The following ZNF611 variants were observed in gnomAD, a reference collection of about 807,000 sequenced individuals.
ZNF611 encodes zinc finger protein 611.
ZNF611 carries 6 observed loss-of-function variants against 8.9 expected under a neutral mutation model. The ratio of observed to expected loss-of-function variants is 0.68; its 90% CI spans 0.37 to 1.34. ZNF611 has a LOEUF of 1.34. Ranked by LOEUF, ZNF611 falls within the 40% of genes most tolerant of loss-of-function variation. The pLI is 0.02. For missense variants in ZNF611, 874 were observed against 841.3 expected, an observed-to-expected ratio of 1.04 and a Z score of -0.48; for synonymous variants, 262 against 279.7, an observed-to-expected ratio of 0.94 and a Z score of 0.63.
chr19:52,734,067 C>T (rs551866218), intron 1 of ZNF611, among the ~76,000 whole-genome samples: 1 of 151,640 alleles, frequency 6.6e-6, no homozygotes, highest in African/African-American at 2.4e-5. Flanking sequence ...CTCTCCCTCA[C>T]TCTGATGAGT....
intron 5 of ZNF611, 151 bp from the exon 6 acceptor site, chr19:52,707,015 T>C: frequency 2.3e-6 from 3 of 1,321,244 alleles, no homozygotes; most frequent in Non-Finnish European, 3.1e-6. Flanking sequence ...CAATATTCTT[T>C]AGTAAATAAA....
chr19:52,705,461 G>A lies in ZNF611; in HGVS notation c.1594C>T (p.His532Tyr), dbSNP rs772569213. 3 of 1,614,174 alleles carry A rather than the reference G, an allele frequency of 1.9e-6. No homozygotes were observed. The South Asian group carries it at 3.3e-5, about 18-fold the overall frequency. ...KSSLETHKIG[H>Y]TGEKPYKCKV... ...CATTTGTATGGTTTCTCTCCAGTAT[G>A]ACCTATCTTATGTGTCTCAAGGCTT... Residue 532 changes from histidine (H) to tyrosine (Y), a missense_variant, in exon 6 of 6, where the codon CAT becomes TAT. By Grantham distance (83) the His-to-Tyr change is moderately conservative. Coordinates refer to ENST00000652185, the MANE Select transcript of ZNF611 (RefSeq NM_001161499.2).
chr19:52,726,900 C>T (rs541535753), intron 3 of ZNF611, among the ~76,000 whole-genome samples: 24 of 152,080 alleles, frequency 1.6e-4, no homozygotes, highest in Non-Finnish European at 3.2e-4. Flanking sequence ...GAGTATTTCT[C>T]TGTGGCCCGT....
intron 5 of ZNF611, among the ~76,000 whole-genome samples, chr19:52,709,655 C>A (rs1014186056): frequency 2.6e-5 from 4 of 152,034 alleles, no homozygotes; most frequent in African/African-American, 7.2e-5. Context: ...ACAACCACCG[C>A]CTCGCAGGTT....
At chr19:52,733,903 CT>C (rs2062440722) in intron 1 of ZNF611, among the ~76,000 whole-genome samples, 1 of 151,934 alleles carries the variant, frequency 6.6e-6, no homozygotes, top group Non-Finnish European at 1.5e-5. Context: ...CTCCTCTGCT[CT>C]CCCTGTTAAA....
chr19:52,709,043 T>C lies in ZNF611; in HGVS notation c.191-2179A>G, dbSNP rs2062263101. Among the ~76,000 whole-genome samples the C allele has an allele frequency of 4.6e-5, 7 of 152,240 alleles. No individual in the cohort carries two copies. In the South Asian group the frequency reaches 1.4e-3, roughly 32 times the overall value. Reference sequence around the variant, plus strand: ...TATTAACTGAGATCAGAGAAAACATTGTATAAAACAAATTGCACAATAAGA... The same window carrying C: ...TATTAACTGAGATCAGAGAAAACATCGTATAAAACAAATTGCACAATAAGA... On this transcript the variant is annotated intron_variant, in intron 5 of 5. Transcript: ENST00000652185.
intron 1 of ZNF611, among the ~76,000 whole-genome samples, chr19:52,732,451 A>T (rs71358901): frequency 0.015 from 704 of 45,866 alleles, 87 homozygotes; most frequent in African/African-American, 0.024. Context: ...TGAGTTATTC[A>T]GAATAACTCA....
intron 3 of ZNF611, 84 bp from the exon 4 acceptor site, chr19:52,715,997 C>T: frequency 3.3e-6 from 5 of 1,515,542 alleles, no homozygotes; most frequent in South Asian, 1.2e-5. Context: ...GGGGAGACGT[C>T]ACCCTGTAGA....
At chr19:52,731,133 GCTCACTGCAACCTCTGC>G (rs1479272399) in intron 1 of ZNF611, among the ~76,000 whole-genome samples, 1 of 151,844 alleles carries the variant, frequency 6.6e-6, no homozygotes, top group Non-Finnish European at 1.5e-5. Context: ...TGCGATCGTG[GCTCACTGCAACCTCTGC>G]CTCCCAGCTG....
At chr19:52,715,990 G>C (rs1353241277) in intron 3 of ZNF611, 77 bp from the exon 4 acceptor site, 3 of 1,543,346 alleles carry the variant, frequency 1.9e-6, no homozygotes, top group African/African-American at 1.4e-5. Flanking sequence ...ACGAACGGGG[G>C]AGACGTCACC....
At chr19:52,717,198 C>T (rs1434435492) in intron 3 of ZNF611, among the ~76,000 whole-genome samples, 1 of 152,126 alleles carries the variant, frequency 6.6e-6, no homozygotes, top group Middle Eastern at 3.2e-3. Context: ...CTCATGTCTC[C>T]ATAAAATGTA....
rs778558639 is a variant in ZNF611 at position 52,706,163 on chromosome 19, G to A, written c.892C>T (p.Gln298Ter). ...CGATGGCAGGTAAGGGATGACTCCT[G>A]ACTGAAGGTCTTGCCACACTCTTTA... Reference protein sequence around the residue: ...KCKECGKTFSQESSLTCHRRL... With the variant: ...KCKECGKTFS Residue 298 changes from glutamine (Q) to a stop codon, truncating the protein, a stop_gained, in exon 6 of 6, where the codon CAG (glutamine) becomes TAG (stop). Transcript: ENST00000652185. LOFTEE classifies it low-confidence loss of function (END_TRUNC). 1 of 1,614,040 alleles carries A rather than the reference G, an allele frequency of 6.2e-7. No individual in the cohort carries two copies. Among genetic ancestry groups the A allele is most frequent in the Middle Eastern group, 1.6e-4 (1 of 6,062 alleles).
At chr19:52,725,813 T>TGGCGGGGCCTGGGTGGGACAGA (rs1360677260) in intron 3 of ZNF611, among the ~76,000 whole-genome samples, 3 of 151,904 alleles carry the variant, frequency 2.0e-5, no homozygotes, top group Non-Finnish European at 2.9e-5. Context: ...CCGAACATGG[T>TGGCGGGGCCTGGGTGGGACAGA]GGCGGGGCCT....
chr19:52,734,190 T>C (rs868304788), intron 1 of ZNF611, among the ~76,000 whole-genome samples: 37,669 of 143,072 alleles, frequency 0.26, 4,955 homozygotes, highest in Middle Eastern at 0.29. Context: ...TTCTTAGGTT[T>C]TTTTTTTTTT....
intron 3 of ZNF611, among the ~76,000 whole-genome samples, chr19:52,720,190 A>G (rs1265741194): frequency 6.6e-6 from 1 of 152,358 alleles, no homozygotes; most frequent in Non-Finnish European, 1.5e-5. Context: ...ACACAGTAAC[A>G]ATCTGATCTC....
chr19:52,705,650 G>C lies in ZNF611; in HGVS notation c.1405C>G (p.Leu469Val). The C allele has an allele frequency of 6.2e-7, 1 of 1,613,786 alleles. No homozygotes were observed. The highest frequency in any genetic ancestry group is 8.5e-7 in the Non-Finnish European group (1 of 1,179,836). ...CAGTCAATTCTAGTATGTTTTGCCA[G>C]TTGTGAACTCCACACAAAAGCCTTG... ...CDKAFVWSSQ[L>V]AKHTRIDCGE... Residue 469 changes from leucine to valine, a missense_variant, in exon 6 of 6, where the codon CTG becomes GTG. Coordinates refer to ENST00000652185, the MANE Select transcript of ZNF611 (RefSeq NM_001161499.2).
chr19:52,706,718 T>C lies in ZNF611; in HGVS notation c.337A>G (p.Ile113Val). Reference sequence around the variant, plus strand: ...TCATCTTCTTGACACTGAAACTCAATGTCATGAATTTCTTTCTCAATTTCC... The same window carrying C: ...TCATCTTCTTGACACTGAAACTCAACGTCATGAATTTCTTTCTCAATTTCC... ...FQEIEKEIHD[I>V]EFQCQEDERN... Residue 113 changes from isoleucine (I) to valine (V), a missense_variant, in exon 6 of 6, where the codon ATT (isoleucine) becomes GTT (valine). Transcript: ENST00000652185. 1 of 1,614,150 alleles carries C rather than the reference T, an allele frequency of 6.2e-7. No individual in the cohort carries two copies. Among genetic ancestry groups the C allele is most frequent in the Non-Finnish European group, 8.5e-7 (1 of 1,180,018 alleles).
chr19:52,713,822 C>T lies in ZNF611; in HGVS notation c.190+193G>A, dbSNP rs192957676. Among the ~76,000 whole-genome samples the T allele has an allele frequency of 4.6e-5, 7 of 151,884 alleles. No individual in the cohort carries two copies. In the East Asian group the frequency reaches 1.2e-3, roughly 25 times the overall value. Reference sequence around the variant, plus strand: ...AGGAGAATCACTTGATCCTGAGGGGCGGAGGTTATGGTGAGCCAAGATCAT... The same window carrying T: ...AGGAGAATCACTTGATCCTGAGGGGTGGAGGTTATGGTGAGCCAAGATCAT... On this transcript the variant is annotated intron_variant, in intron 5 of 5. Coordinates refer to ENST00000652185, the MANE Select transcript of ZNF611 (RefSeq NM_001161499.2).
At chr19:52,708,107 A>C (rs748913426) in intron 5 of ZNF611, 2 of 152,198 alleles carry the variant, frequency 1.3e-5, no homozygotes, top group Non-Finnish European at 2.9e-5. Flanking sequence ...CCTCTTAAGA[A>C]AAAAGCCACA....
Sources: gnomAD v4.1 joint callset for allele counts (sites outside exome capture counted in the v4.1 genomes callset) on GRCh38, gnomAD v4.1.1 for gene constraint, MANE v1.5 for transcripts, NCBI Gene and HGNC (gene_info 2026-07-23, HGNC 2026-07-21) for gene names.